ZFAND3: variants seen among roughly 807,000 people sequenced by gnomAD.
ZFAND3 encodes zinc finger AN1-type containing 3.
In ZFAND3, 10 loss-of-function variants were observed where a neutral mutation model predicts 29.6. The ratio of observed to expected loss-of-function variants is 0.34; its 90% CI spans 0.21 to 0.57. ZFAND3 has a LOEUF of 0.57. ZFAND3 is among the 20% of genes least tolerant of loss of function. The pLI is 0.86. For missense variants in ZFAND3, 230 were observed against 304.5 expected (o/e 0.76, Z 1.82); for synonymous variants, 128 against 112.6 (o/e 1.14, Z -0.87).
intron 1 of ZFAND3, among the ~76,000 whole-genome samples, chr6:37,826,912 A>G (rs1047001141): frequency 5.9e-5 from 9 of 152,352 alleles, no homozygotes; most frequent in African/African-American, 2.2e-4. Context: ...AGTACTCACT[A>G]GCTCAGTAAC....
At chr6:37,872,250 T>A (rs1416914129) in intron 1 of ZFAND3, among the ~76,000 whole-genome samples, 1 of 152,208 alleles carries the variant, frequency 6.6e-6, no homozygotes, top group Non-Finnish European at 1.5e-5. Context: ...CAATTCCCAT[T>A]TTCCGGTGCA....
intron 2 of ZFAND3, among the ~76,000 whole-genome samples, chr6:38,018,871 T>C (rs531628571): frequency 1.4e-3 from 214 of 152,350 alleles, no homozygotes; most frequent in Non-Finnish European, 2.1e-3. Flanking sequence ...AATTGCCCTC[T>C]GTAGAGGTTG....
At chr6:37,999,118 C>T (rs1017970599) in intron 2 of ZFAND3, among the ~76,000 whole-genome samples, 1 of 152,086 alleles carries the variant, frequency 6.6e-6, no homozygotes, top group African/African-American at 2.4e-5. Context: ...AAGTAAAGTG[C>T]TTTAAAAAAC....
At chr6:37,955,149 T>TTGTGTGTGTG (rs3047089) in intron 2 of ZFAND3, among the ~76,000 whole-genome samples, 297 of 148,948 alleles carry the variant, frequency 2.0e-3, no homozygotes, top group African/African-American at 5.5e-3. Context: ...CAACCAATTT[T>TTGTGTGTGTG]TGTGTGTGTG....
chr6:38,101,208 C>T (rs1486280117), intron 4 of ZFAND3, among the ~76,000 whole-genome samples: 7 of 152,102 alleles, frequency 4.6e-5, no homozygotes, highest in Admixed American at 6.5e-5. Context: ...TCCTTGCTTC[C>T]GATTTTTCAG....
intron 2 of ZFAND3, among the ~76,000 whole-genome samples, chr6:37,949,718 C>T (rs1761964201): frequency 6.6e-6 from 1 of 152,104 alleles, no homozygotes. Flanking sequence ...AGATAAATAG[C>T]CAGATAAAGA....
chr6:37,971,231 C>T (rs540857740), intron 2 of ZFAND3, among the ~76,000 whole-genome samples: 3 of 151,986 alleles, frequency 2.0e-5, no homozygotes, highest in Admixed American at 6.6e-5. Flanking sequence ...TTTTCTAAGC[C>T]GTCTCGTGCC....
At chr6:37,940,535 T>A (rs1381067151) in intron 2 of ZFAND3, among the ~76,000 whole-genome samples, 1 of 152,162 alleles carries the variant, frequency 6.6e-6, no homozygotes, top group Non-Finnish European at 1.5e-5. Context: ...ATGTTAACAG[T>A]CTTAACTATT....
chr6:37,910,157 C>T (rs1765493839), intron 1 of ZFAND3, among the ~76,000 whole-genome samples: 1 of 152,204 alleles, frequency 6.6e-6, no homozygotes, highest in Non-Finnish European at 1.5e-5. Context: ...GAGACCAGGC[C>T]TCCTGGGCTG....
At position 37,844,811 on chromosome 6, in the gene ZFAND3, G is replaced by C. The variant is rs570917854; in HGVS notation, c.71+24795G>C. On this transcript the variant is annotated intron_variant, in intron 1 of 5. Coordinates refer to ENST00000287218, the MANE Select transcript of ZFAND3 (RefSeq NM_021943.3). ...GGGCGGATCACGAAGTCAGGAGATC[G>C]AGACCAGCCTGGCTAACACGGTGAA... Among the ~76,000 whole-genome samples the C allele has an allele frequency of 8.0e-5, 12 of 150,830 alleles. No individual in the cohort carries two copies. The South Asian group carries it at 2.3e-3, about 29-fold the overall frequency.
chr6:37,941,466 G>A (rs1761809465), intron 2 of ZFAND3, among the ~76,000 whole-genome samples: 1 of 152,182 alleles, frequency 6.6e-6, no homozygotes, highest in Non-Finnish European at 1.5e-5. Flanking sequence ...GAAAAGGTGT[G>A]CATATGTGGT....
intron 5 of ZFAND3, among the ~76,000 whole-genome samples, chr6:38,151,185 C>T (rs1448484175): frequency 1.3e-5 from 2 of 152,228 alleles, no homozygotes; most frequent in Non-Finnish European, 2.9e-5. Flanking sequence ...GAGCCTGGCT[C>T]CTGGCTCCCT....
At chr6:37,989,517 C>G (rs180882298) in intron 2 of ZFAND3, among the ~76,000 whole-genome samples, 75 of 152,292 alleles carry the variant, frequency 4.9e-4, no homozygotes, top group Admixed American at 1.8e-3. Context: ...AAGAACTCTA[C>G]CTTCATGACC....
chr6:37,982,565 T>C (rs1004214213), intron 2 of ZFAND3, among the ~76,000 whole-genome samples: 1 of 152,140 alleles, frequency 6.6e-6, no homozygotes, highest in Non-Finnish European at 1.5e-5. Flanking sequence ...CCTAACACAA[T>C]ACATTACACA....
At chr6:38,099,633 T>C (rs1765054511) in intron 4 of ZFAND3, among the ~76,000 whole-genome samples, 1 of 152,220 alleles carries the variant, frequency 6.6e-6, no homozygotes, top group Non-Finnish European at 1.5e-5. Flanking sequence ...TGTATACATA[T>C]ATAAGCAAGA....
intron 1 of ZFAND3, among the ~76,000 whole-genome samples, chr6:37,823,450 C>G (rs982352936): frequency 3.9e-5 from 6 of 152,186 alleles, no homozygotes; most frequent in Admixed American, 6.5e-5. Context: ...GATTGCTGCT[C>G]TTTCGAGTGA....
intron 2 of ZFAND3, among the ~76,000 whole-genome samples, chr6:38,054,218 C>CAAAA (rs34198332): frequency 1.8e-5 from 2 of 112,044 alleles, no homozygotes; most frequent in East Asian, 2.7e-4. Context: ...CCATCTCTAT[C>CAAAA]AAAAAAAAAA....
chr6:37,975,201 C>T (rs149793802), intron 2 of ZFAND3, among the ~76,000 whole-genome samples: 380 of 152,196 alleles, frequency 2.5e-3, no homozygotes, highest in African/African-American at 8.0e-3. Context: ...GTACTGATTC[C>T]TCATTATGGT....
intron 4 of ZFAND3, among the ~76,000 whole-genome samples, chr6:38,099,241 G>C (rs912197862): frequency 1.3e-5 from 2 of 152,090 alleles, no homozygotes; most frequent in African/African-American, 2.4e-5. Flanking sequence ...TAAATTCACT[G>C]GTTTATGATT....
Sources: allele counts gnomAD v4.1 joint callset (sites outside exome capture counted in the v4.1 genomes callset), GRCh38; gene constraint gnomAD v4.1.1; transcripts MANE v1.5; gene names NCBI Gene and HGNC (gene_info 2026-07-23, HGNC 2026-07-21).